Variants in ZFPM2 observed in about 807,000 individuals in gnomAD.
ZFPM2 encodes zinc finger protein ZFPM2.
A neutral mutation model predicts 98.6 loss-of-function variants in ZFPM2; 20 were observed. The observed-to-expected ratio is 0.20, with a 90% confidence interval of 0.14 to 0.29. The LOEUF (loss-of-function observed/expected upper bound fraction) is 0.29, where lower values mean the gene tolerates loss of function less well. ZFPM2 is among the 10% of genes least tolerant of loss of function. The pLI is 1.00. For synonymous variants in ZFPM2, 518 were observed against 502.7 expected (o/e 1.03, Z -0.41); for missense variants, 1,310 against 1,388.6 (o/e 0.94, Z 0.90).
At chr8:105,709,001 C>A (rs760421485) in intron 5 of ZFPM2, among the ~76,000 whole-genome samples, 1 of 152,116 alleles carries the variant, frequency 6.6e-6, no homozygotes, top group Non-Finnish European at 1.5e-5. Flanking sequence ...TTGTTCATTA[C>A]TTCAACAAAA....
chr8:105,355,886 T>C (rs1166962732), intron 1 of ZFPM2, among the ~76,000 whole-genome samples: 4 of 152,224 alleles, frequency 2.6e-5, no homozygotes, highest in Non-Finnish European at 5.9e-5. Context: ...TGTTTGAACA[T>C]GTAGATGTCA....
At chr8:105,631,851 T>G (rs1816760832) in intron 4 of ZFPM2, among the ~76,000 whole-genome samples, 1 of 152,208 alleles carries the variant, frequency 6.6e-6, no homozygotes, top group African/African-American at 2.4e-5. Flanking sequence ...TATCTATTTT[T>G]TATATTATCT....
intron 4 of ZFPM2, among the ~76,000 whole-genome samples, chr8:105,629,624 C>G (rs1816720539): frequency 2.6e-5 from 4 of 152,290 alleles, no homozygotes; most frequent in South Asian, 4.1e-4. Flanking sequence ...CTTCCTGATG[C>G]ATTCCTTTCT....
At chr8:105,759,379 C>A (rs1300324832) in intron 5 of ZFPM2, among the ~76,000 whole-genome samples, 2 of 152,032 alleles carry the variant, frequency 1.3e-5, no homozygotes, top group African/African-American at 4.8e-5. Flanking sequence ...TACTAGCAGA[C>A]CTGGGTTCCT....
In ZFPM2 at chr8:105,344,699, A is replaced by T. The variant is rs1412860883; in HGVS notation, c.40+25718A>T. 2.0e-5 allele frequency among the ~76,000 whole-genome samples: 3 copies of T among 152,028 alleles called. No homozygotes were observed. The East Asian group carries it at 5.8e-4, about 29-fold the overall frequency. ...CACATATATATGTGTGTGTGTATAC[A>T]TATATGTATATATAACATTTATATA... On this transcript the variant is annotated intron_variant, in intron 1 of 7. Coordinates refer to ENST00000407775, the MANE Select transcript of ZFPM2 (RefSeq NM_012082.4).
intron 1 of ZFPM2, among the ~76,000 whole-genome samples, chr8:105,340,344 G>A (rs1383971410): frequency 2.0e-5 from 3 of 151,820 alleles, no homozygotes; most frequent in South Asian, 4.1e-4. Flanking sequence ...ACTCAGAAAC[G>A]TACCCATAAC....
At chr8:105,437,888 C>G (rs1353845752) in intron 2 of ZFPM2, among the ~76,000 whole-genome samples, 2 of 151,850 alleles carry the variant, frequency 1.3e-5, no homozygotes, top group Non-Finnish European at 2.9e-5. Context: ...ACTAAAAATA[C>G]AAAAATTAGA....
At chr8:105,555,175 A>T (rs540324700) in intron 3 of ZFPM2, among the ~76,000 whole-genome samples, 28 of 152,186 alleles carry the variant, frequency 1.8e-4, no homozygotes, top group Admixed American at 3.9e-4. Context: ...AACAGCCCTG[A>T]GCACTAACAA....
chr8:105,795,939 T>C, intron 6 of ZFPM2: 1 of 234,908 alleles, frequency 4.3e-6, no homozygotes, highest in South Asian at 5.0e-5. Flanking sequence ...TACTTTAAAA[T>C]CTCTGAGACT....
At chr8:105,526,710 A>G (rs1424036881) in intron 3 of ZFPM2, among the ~76,000 whole-genome samples, 1 of 152,166 alleles carries the variant, frequency 6.6e-6, no homozygotes, top group Non-Finnish European at 1.5e-5. Context: ...GGGGGTATCA[A>G]ATATTTATAA....
rs1390480348 is a variant in ZFPM2, at chr8:105,802,905, C to G, written c.2823C>G (p.Gly941=). Residue 941 remains glycine, a synonymous_variant, in exon 8 of 8, where the codon GGC becomes GGG. Transcript: ENST00000407775. ...CATCCCACCTAGCAACCCTGCAAGG[C>G]TTGAAGGTCTTTAGTGAAGCTGCTC... ...LFSSHLATLQ[G]LKVFSEAAQL... is the part of the protein sequence containing the mutation. The G allele has an allele frequency of 6.2e-7, 1 of 1,613,564 alleles. No individual in the cohort carries two copies. Among genetic ancestry groups the G allele is most frequent in the Non-Finnish European group, 8.5e-7 (1 of 1,179,804 alleles).
intron 4 of ZFPM2, among the ~76,000 whole-genome samples, chr8:105,620,190 C>T (rs1586154911): frequency 6.6e-6 from 1 of 152,268 alleles, no homozygotes; most frequent in South Asian, 2.1e-4. Context: ...CTCTCCAGCA[C>T]CTGTGGTTTC....
At chr8:105,497,708 C>T (rs372536212) in intron 3 of ZFPM2, among the ~76,000 whole-genome samples, 16 of 152,050 alleles carry the variant, frequency 1.1e-4, no homozygotes, top group African/African-American at 3.1e-4. Flanking sequence ...AGTGAAGGAA[C>T]GGATAAGATT....
At chr8:105,694,771 C>G (rs1810976124) in intron 5 of ZFPM2, among the ~76,000 whole-genome samples, 1 of 152,090 alleles carries the variant, frequency 6.6e-6, no homozygotes, top group South Asian at 2.1e-4. Flanking sequence ...GACTTCCCTC[C>G]AAGTAGGTCA....
chr8:105,325,161 C>T (rs1385125976), intron 1 of ZFPM2, among the ~76,000 whole-genome samples: 1 of 151,726 alleles, frequency 6.6e-6, no homozygotes, highest in Non-Finnish European at 1.5e-5. Context: ...TCTCATCAAA[C>T]GAATAGCAGC....
chr8:105,772,110 CAACAACTGAAACCTTAAA>C (rs1210637687), intron 5 of ZFPM2, among the ~76,000 whole-genome samples: 2 of 152,094 alleles, frequency 1.3e-5, no homozygotes, highest in Admixed American at 6.6e-5. Flanking sequence ...CCTAGAAATT[CAACAACTGAAACCTTAAA>C]GGTTAAGACC....
intron 3 of ZFPM2, among the ~76,000 whole-genome samples, chr8:105,558,911 G>C (rs1013149381): frequency 9.9e-5 from 15 of 152,018 alleles, no homozygotes; most frequent in African/African-American, 3.6e-4. Context: ...TTAAATGTAA[G>C]TAAGTATGGT....
At chr8:105,740,401 T>C (rs1434646746) in intron 5 of ZFPM2, among the ~76,000 whole-genome samples, 1 of 151,454 alleles carries the variant, frequency 6.6e-6, no homozygotes, top group Non-Finnish European at 1.5e-5. Context: ...ATTATTTCTA[T>C]AGCATAGAAA....
chr8:105,441,562 AAGC>A (rs1812252157), intron 2 of ZFPM2, among the ~76,000 whole-genome samples: 1 of 151,976 alleles, frequency 6.6e-6, no homozygotes, highest in Admixed American at 6.6e-5. Flanking sequence ...CTTGGTCACA[AAGC>A]AGGGCCAAGA....
Sources: allele counts gnomAD v4.1 joint callset (sites outside exome capture counted in the v4.1 genomes callset), GRCh38; gene constraint gnomAD v4.1.1; transcripts MANE v1.5; gene names NCBI Gene and HGNC (gene_info 2026-07-23, HGNC 2026-07-21).